The following ST18 variants were observed in gnomAD, a reference collection of about 807,000 sequenced individuals.
The protein encoded by ST18 is suppression of tumorigenicity 18 protein.
ST18 carries 50 observed loss-of-function variants against 110.0 expected under a neutral mutation model. The ratio of observed to expected loss-of-function variants is 0.45; its 90% CI spans 0.36 to 0.58. ST18 has a LOEUF of 0.58. ST18 is among the 20% of genes least tolerant of loss of function. ST18 has a pLI of 0.00. For synonymous variants in ST18, 461 were observed against 452.4 expected, an observed-to-expected ratio of 1.02 and a Z score of -0.24; for missense variants, 1,306 against 1,280.1, an observed-to-expected ratio of 1.02 and a Z score of -0.31.
intron 10 of ST18, among the ~76,000 whole-genome samples, chr8:52,167,398 A>G (rs61632118): frequency 0.15 from 23,574 of 152,242 alleles, 1,921 homozygotes; most frequent in East Asian, 0.21. Flanking sequence ...CAAAATGACA[A>G]AAACAAAGAA....
intron 2 of ST18, among the ~76,000 whole-genome samples, chr8:52,279,122 G>A (rs140316088): frequency 2.0e-5 from 3 of 152,080 alleles, no homozygotes; most frequent in Non-Finnish European, 4.4e-5. Flanking sequence ...AAAATTGTGG[G>A]AATAACAGTT....
At chr8:52,291,161 A>G (rs1333852452) in intron 2 of ST18, among the ~76,000 whole-genome samples, 1 of 152,232 alleles carries the variant, frequency 6.6e-6, no homozygotes, top group African/African-American at 2.4e-5. Flanking sequence ...CAAAGATTCC[A>G]TCAGTCTTTT....
chr8:52,152,189 G>A (rs1454485102), intron 15 of ST18, among the ~76,000 whole-genome samples: 1 of 152,214 alleles, frequency 6.6e-6, no homozygotes, highest in Non-Finnish European at 1.5e-5. Context: ...CCTTAAGTGA[G>A]CGCACAGATG....
At chr8:52,177,900 G>A (rs549126723) in intron 9 of ST18, among the ~76,000 whole-genome samples, 5 of 152,210 alleles carry the variant, frequency 3.3e-5, no homozygotes, top group South Asian at 2.1e-4. Flanking sequence ...TATCATTTAC[G>A]TGTCTGGAAT....
At chr8:52,282,515 T>C (rs2095400201) in intron 2 of ST18, among the ~76,000 whole-genome samples, 1 of 152,124 alleles carries the variant, frequency 6.6e-6, no homozygotes, top group African/African-American at 2.4e-5. Flanking sequence ...GCACTAAGGA[T>C]AGCCCCACCA....
intron 5 of ST18, chr8:52,220,485 A>G (rs1334002877): frequency 6.6e-6 from 1 of 152,228 alleles, no homozygotes; most frequent in Non-Finnish European, 1.5e-5. Flanking sequence ...CAAACGTGTG[A>G]ACAAATAATA....
At chr8:52,303,119 A>G (rs1186713855) in intron 2 of ST18, among the ~76,000 whole-genome samples, 1 of 152,242 alleles carries the variant, frequency 6.6e-6, no homozygotes, top group Non-Finnish European at 1.5e-5. Context: ...TTACCACAAA[A>G]TTGGTGGCTT....
intron 8 of ST18, among the ~76,000 whole-genome samples, chr8:52,203,506 C>T (rs771563030): frequency 3.3e-5 from 5 of 152,108 alleles, no homozygotes; most frequent in African/African-American, 7.2e-5. Context: ...GATTGTAGGG[C>T]GTCCATTTGT....
intron 2 of ST18, among the ~76,000 whole-genome samples, chr8:52,282,637 T>G (rs780678426): frequency 6.6e-6 from 1 of 152,038 alleles, no homozygotes; most frequent in African/African-American, 2.4e-5. Context: ...CAGAAAATAG[T>G]CCACAGGCAG....
intron 2 of ST18, among the ~76,000 whole-genome samples, chr8:52,243,623 A>G (rs1180869559): frequency 1.3e-5 from 2 of 152,172 alleles, no homozygotes; most frequent in Admixed American, 1.3e-4. Flanking sequence ...TAGGATACAA[A>G]TGGAATTATT....
In ST18 at chr8:52,126,044, G is replaced by C; in HGVS notation, c.2755+8C>G. ...AGGAGGTGGTGACAGCCAGCCCTGT[G>C]CTCTTACCCCCAGTTGCTTTGAGCT... On this transcript the variant is annotated splice_region_variant and intron_variant, in intron 23 of 25. Transcript: ENST00000689386. 6.2e-7 allele frequency: 1 copy of C among 1,613,808 alleles called. No homozygotes were observed. Among genetic ancestry groups the C allele is most frequent in the South Asian group, 1.1e-5 (1 of 91,054 alleles).
At chr8:52,221,920 A>G (rs1249790322) in intron 3 of ST18, 127 bp from the exon 4 acceptor site, 3 of 152,126 alleles carry the variant, frequency 2.0e-5, no homozygotes, top group African/African-American at 7.2e-5. Context: ...AAAAAAAAAA[A>G]AACGGCTTTC....
chr8:52,114,706 G>T (rs911775226), intron 25 of ST18, among the ~76,000 whole-genome samples: 2 of 152,158 alleles, frequency 1.3e-5, no homozygotes, highest in East Asian at 3.9e-4. Context: ...GTGGGTAAAG[G>T]CCACTCTGCA....
At chr8:52,324,103 C>T (rs1050164542) in intron 2 of ST18, among the ~76,000 whole-genome samples, 29 of 152,266 alleles carry the variant, frequency 1.9e-4, no homozygotes, top group African/African-American at 6.7e-4. Context: ...GACAATGGGT[C>T]CCTGGAGAGT....
At chr8:52,406,389 TC>T (rs1046850029) in intron 2 of ST18, 25 of 152,474 alleles carry the variant, frequency 1.6e-4, no homozygotes, top group Non-Finnish European at 2.6e-4. Flanking sequence ...TTCTCACAGG[TC>T]AGCGTGTGTG....
chr8:52,273,108 T>C (rs747586972), intron 2 of ST18, among the ~76,000 whole-genome samples: 4 of 152,164 alleles, frequency 2.6e-5, no homozygotes, highest in South Asian at 2.1e-4. Context: ...AGAAAAAAGA[T>C]TGGAAAGGTT....
chr8:52,260,171 C>T (rs1436726624), intron 2 of ST18, among the ~76,000 whole-genome samples: 3 of 152,114 alleles, frequency 2.0e-5, no homozygotes, highest in Admixed American at 6.5e-5. Flanking sequence ...TACAATAAGG[C>T]CAGGAGTAAG....
intron 2 of ST18, among the ~76,000 whole-genome samples, chr8:52,233,761 A>T (rs2092071141): frequency 6.6e-6 from 1 of 152,202 alleles, no homozygotes; most frequent in Non-Finnish European, 1.5e-5. Flanking sequence ...GTGTCTCATT[A>T]GCTGTGGCAA....
intron 2 of ST18, among the ~76,000 whole-genome samples, chr8:52,312,812 C>T (rs2095945830): frequency 6.6e-6 from 1 of 152,116 alleles, no homozygotes; most frequent in Non-Finnish European, 1.5e-5. Context: ...GCCACCTGAG[C>T]TATAGACCCT....
Sources: allele counts gnomAD v4.1 joint callset (sites outside exome capture counted in the v4.1 genomes callset), GRCh38; gene constraint gnomAD v4.1.1; transcripts MANE v1.5; gene names NCBI Gene and HGNC (gene_info 2026-07-23, HGNC 2026-07-21).